The following TTC23 variants were observed in gnomAD, a reference collection of about 807,000 sequenced individuals.
TTC23 encodes tetratricopeptide repeat domain 23.
A neutral mutation model predicts 55.1 loss-of-function variants in TTC23; 58 were observed. That is an observed-to-expected ratio of 1.05 (90% CI 0.85 to 1.31). The LOEUF (loss-of-function observed/expected upper bound fraction) is 1.31. TTC23 is among the 50% of genes most tolerant of loss of function. TTC23 has a pLI of 0.00. For synonymous variants in TTC23, 203 were observed against 199.9 expected, an observed-to-expected ratio of 1.02 and a Z score of -0.13; for missense variants, 516 against 534.4, an observed-to-expected ratio of 0.97 and a Z score of 0.34.
chr15:99,235,294 A>T (rs929767664), intron 3 of TTC23, among the ~76,000 whole-genome samples: 3 of 151,968 alleles, frequency 2.0e-5, no homozygotes, highest in African/African-American at 4.8e-5. Context: ...TATATATATA[A>T]AATAAAATTT....
intron 8 of TTC23, among the ~76,000 whole-genome samples, chr15:99,214,926 G>A (rs2077353446): frequency 7.1e-6 from 1 of 140,526 alleles, no homozygotes; most frequent in African/African-American, 2.7e-5. Flanking sequence ...CGCGATCTTG[G>A]CTCACAGCAA....
rs1165031162 is a variant in TTC23 at position 99,199,904 on chromosome 15, G to A, written c.759+15C>T. ...GGCCTAGAACAGCTTTGGTAGCCAG[G>A]ACCTTGTAGCTTACCTGGAGGAAGT... On this transcript the variant is annotated intron_variant, in intron 9 of 13. Coordinates refer to ENST00000394132, the MANE Select transcript of TTC23 (RefSeq NM_001288615.3). 6.2e-7 allele frequency: 1 copy of A among 1,606,544 alleles called. No homozygotes were observed. Among genetic ancestry groups the A allele is most frequent in the Non-Finnish European group, 8.5e-7 (1 of 1,176,668 alleles).
rs2067702792 is a variant in TTC23 at position 99,137,718 on chromosome 15, AGAG to A, written c.*289_*291del. On this transcript the variant is annotated 3_prime_UTR_variant, in exon 14 of 14. Coordinates refer to ENST00000394132, the MANE Select transcript of TTC23 (RefSeq NM_001288615.3). ...TGCACAGGGCGCACTGAACTGTTGAAGAGAAGTTTTTCAGCCACAGTAGTGCTG... is the reference window on the plus strand; with the variant it reads ...TGCACAGGGCGCACTGAACTGTTGAAAAGTTTTTCAGCCACAGTAGTGCTG... The A allele has an allele frequency of 1.3e-5, 5 of 394,814 alleles. No homozygotes were observed. The highest frequency in any genetic ancestry group is 2.3e-5 in the Non-Finnish European group (5 of 213,116). 24.5% of individuals were successfully genotyped at this position (394,814 alleles called of 1,614,324 possible). A position where few individuals can be genotyped will look rare whatever the true frequency, so the allele number is the denominator to read the frequency against.
rs782485622 is a variant in TTC23, at chr15:99,139,385, C to A, written c.1158G>T (p.Gln386His). ...RKKLKKCLQI[Q>H]TLLYGPQDKR... Reference sequence around the variant, plus strand: ...TGTCCTGCGGTCCATATAAGAGGGTCTGGATCTGGAGACACTGTAGAACAC... The same window carrying A: ...TGTCCTGCGGTCCATATAAGAGGGTATGGATCTGGAGACACTGTAGAACAC... Residue 386 changes from glutamine (Q) to histidine (H), a missense_variant, in exon 13 of 14, where the codon CAG (glutamine) becomes CAT (histidine). Coordinates refer to ENST00000394132, the MANE Select transcript of TTC23 (RefSeq NM_001288615.3). 7 of 1,614,128 alleles carry A rather than the reference C, an allele frequency of 4.3e-6. No homozygotes were observed. Among genetic ancestry groups the A allele is most frequent in the Non-Finnish European group, 5.9e-6 (7 of 1,180,034 alleles).
chr15:99,245,036 A>G (rs1480723711), intron 2 of TTC23, among the ~76,000 whole-genome samples: 2 of 152,224 alleles, frequency 1.3e-5, no homozygotes, highest in East Asian at 3.9e-4. Context: ...AAAAATGGTA[A>G]TTATGTCAAG....
Position 99,228,706 on chromosome 15 carries a change from C to G in TTC23, c.7G>C (p.Glu3Gln). The G allele has an allele frequency of 6.3e-7, 1 of 1,591,456 alleles. No homozygotes were observed. ...TTGGATATGTGGGTTTCCTGTGATT[C>G]TTGCATATTTTTATATACATTGTCT... is the stretch of plus-strand genomic sequence containing the variant. MQ[E>Q]SQETHISNHL... The change falls in exon 5 of 14, where the codon GAA becomes CAA. Residue 3 changes from glutamate (E) to glutamine (Q), a missense_variant. Transcript: ENST00000394132.
At chr15:99,138,750 C>T (rs1467865629) in intron 13 of TTC23, among the ~76,000 whole-genome samples, 1 of 152,244 alleles carries the variant, frequency 6.6e-6, no homozygotes, top group African/African-American at 2.4e-5. Context: ...GCCTTCCCTG[C>T]CCTCAAAGGG....
At chr15:99,246,559 G>A (rs1215695965) in intron 1 of TTC23, among the ~76,000 whole-genome samples, 1 of 151,510 alleles carries the variant, frequency 6.6e-6, no homozygotes, top group Non-Finnish European at 1.5e-5. Context: ...AGGTTGCAGT[G>A]AGCTGAGATC....
At chr15:99,217,589 A>G (rs908731322) in intron 8 of TTC23, among the ~76,000 whole-genome samples, 7 of 152,262 alleles carry the variant, frequency 4.6e-5, no homozygotes, top group Non-Finnish European at 1.0e-4. Flanking sequence ...GAGAGAAAAG[A>G]TCGGAGATGA....
At chr15:99,160,114 G>C (rs1485176886) in intron 11 of TTC23, 1 of 152,104 alleles carries the variant, frequency 6.6e-6, no homozygotes, top group Non-Finnish European at 1.5e-5. Context: ...GGGTGACTGA[G>C]AAACATCCTG....
At chr15:99,198,987 A>T (rs1209088750) in intron 9 of TTC23, among the ~76,000 whole-genome samples, 5 of 152,232 alleles carry the variant, frequency 3.3e-5, no homozygotes, top group African/African-American at 1.2e-4. Context: ...TTAATTTTAC[A>T]TGTGAACTCG....
chr15:99,244,266 A>G (rs186771557), intron 2 of TTC23, among the ~76,000 whole-genome samples: 10 of 152,328 alleles, frequency 6.6e-5, no homozygotes, highest in African/African-American at 2.4e-4. Context: ...CTGTAGTCAA[A>G]GTTGTGGATA....
At chr15:99,145,673 T>A (rs2068768042) in intron 12 of TTC23, among the ~76,000 whole-genome samples, 1 of 151,602 alleles carries the variant, frequency 6.6e-6, no homozygotes, top group African/African-American at 2.4e-5. Flanking sequence ...AGTCTATGTC[T>A]CTCTCTCTGT....
At chr15:99,176,025 C>G (rs903912885) in intron 9 of TTC23, among the ~76,000 whole-genome samples, 2 of 152,108 alleles carry the variant, frequency 1.3e-5, no homozygotes, top group African/African-American at 2.4e-5. Flanking sequence ...AAACAAAAAA[C>G]TATGATCTTC....
At chr15:99,198,610 T>C (rs902829499) in intron 9 of TTC23, among the ~76,000 whole-genome samples, 1 of 152,202 alleles carries the variant, frequency 6.6e-6, no homozygotes, top group Non-Finnish European at 1.5e-5. Flanking sequence ...AATGTGAGCA[T>C]GCCATTTATT....
intron 9 of TTC23, among the ~76,000 whole-genome samples, chr15:99,194,987 G>A (rs2075579521): frequency 6.6e-6 from 1 of 152,160 alleles, no homozygotes; most frequent in Non-Finnish European, 1.5e-5. Flanking sequence ...CCTAGAACAT[G>A]ACACAGGAGA....
At chr15:99,148,570 C>G (rs1205805134) in intron 12 of TTC23, 1 of 152,020 alleles carries the variant, frequency 6.6e-6, no homozygotes, top group African/African-American at 2.4e-5. Context: ...GGACTGAACC[C>G]TGCTGAAGAT....
chr15:99,170,441 T>C (rs1281301987), intron 10 of TTC23, among the ~76,000 whole-genome samples: 1 of 152,214 alleles, frequency 6.6e-6, no homozygotes, highest in Non-Finnish European at 1.5e-5. Context: ...CAAAAGTCTT[T>C]GTACCCCGTA....
intron 9 of TTC23, among the ~76,000 whole-genome samples, chr15:99,178,145 C>A (rs2073780101): frequency 6.6e-6 from 1 of 152,160 alleles, no homozygotes; most frequent in African/African-American, 2.4e-5. Flanking sequence ...TCGTGTACTG[C>A]ACTCCAGCTT....
Sources: gnomAD v4.1 joint callset for allele counts (sites outside exome capture counted in the v4.1 genomes callset) on GRCh38, gnomAD v4.1.1 for gene constraint, MANE v1.5 for transcripts, NCBI Gene and HGNC (gene_info 2026-07-23, HGNC 2026-07-21) for gene names.